The following TENM1 variants were observed in gnomAD, a reference collection of about 807,000 sequenced individuals.
TENM1 encodes the protein teneurin-1.
A neutral mutation model predicts 174.8 loss-of-function variants in TENM1; 35 were observed. The observed-to-expected ratio is 0.20, with a 90% confidence interval of 0.15 to 0.27. The LOEUF is 0.27. Among genes scored for constraint, TENM1 ranks in the 10% least tolerant of loss-of-function variants. TENM1 has a pLI of 1.00. For synonymous variants in TENM1, 781 were observed against 798.7 expected (o/e 0.98, Z 0.37); for missense variants, 1,633 against 2,130.1 (o/e 0.77, Z 4.59).
the TENM1 span, among the ~76,000 whole-genome samples, chrX:125,035,120 T>C: frequency 8.9e-6 from 1 of 111,934 alleles, no homozygotes; most frequent in Non-Finnish European, 1.9e-5. Context: ...GATTTCTTAA[T>C]AGTAAAATAA....
chrX:124,428,145 G>A (rs1421698209), intron 23 of TENM1, among the ~76,000 whole-genome samples: 3 of 112,036 alleles, frequency 2.7e-5, no homozygotes, highest in African/African-American at 9.7e-5. Context: ...GCCGCCAGCT[G>A]GTGGAATGTG....
chrX:124,532,914 CTGTAA>C (rs2048137402), intron 15 of TENM1, among the ~76,000 whole-genome samples: 2 of 112,258 alleles, frequency 1.8e-5, no homozygotes, highest in Non-Finnish European at 3.8e-5. Flanking sequence ...CTAGTACTTA[CTGTAA>C]TCTTTGAACA....
the TENM1 span, among the ~76,000 whole-genome samples, chrX:125,069,083 C>G: frequency 9.0e-6 from 1 of 110,562 alleles, no homozygotes; most frequent in Non-Finnish European, 1.9e-5. Context: ...GGGGGTTGAG[C>G]TTCTAGTGCA....
At chrX:124,813,440 C>T (rs2055828095) in intron 3 of TENM1, among the ~76,000 whole-genome samples, 1 of 111,425 alleles carries the variant, frequency 9.0e-6, no homozygotes, top group Non-Finnish European at 1.9e-5. Flanking sequence ...GCACAGATAC[C>T]TAGGAAGAAA....
the TENM1 span, among the ~76,000 whole-genome samples, chrX:125,061,169 T>A: frequency 9.0e-6 from 1 of 111,356 alleles, no homozygotes; most frequent in African/African-American, 3.3e-5. Flanking sequence ...TTTACAGAAA[T>A]AAGAAATGGG....
intron 5 of TENM1, among the ~76,000 whole-genome samples, chrX:124,685,216 C>T (rs766137011): frequency 9.0e-6 from 1 of 111,433 alleles, no homozygotes; most frequent in Non-Finnish European, 1.9e-5. Flanking sequence ...CTATAAAATG[C>T]CTGAAAAATA....
At chrX:124,976,817 AAT>A in the TENM1 span, among the ~76,000 whole-genome samples, 1 of 111,883 alleles carries the variant, frequency 8.9e-6, no homozygotes, top group African/African-American at 3.2e-5. Context: ...GTCAATGTGT[AAT>A]CAGTTTGATA....
chrX:124,471,235 A>ATATTATATAGTACTATATAT lies in TENM1; in HGVS notation c.3949+10496_3949+10497insATATATAGTACTATATAATA, dbSNP rs1427995633. ...TATATATTATAATATATAGTACTATATATAATATATAATAATATATATTAT... is the reference window on the plus strand; with the variant it reads ...TATATATTATAATATATAGTACTATATATTATATAGTACTATATATTATAATATATAATAATATATATTAT... On this transcript the variant is annotated intron_variant, in intron 22 of 31. Coordinates refer to ENST00000422452, the Ensembl canonical transcript of TENM1. Among the ~76,000 whole-genome samples the ATATTATATAGTACTATATAT allele has an allele frequency of 5.8e-4, 38 of 66,081 alleles. 2 individuals are homozygous for ATATTATATAGTACTATATAT. Among genetic ancestry groups the ATATTATATAGTACTATATAT allele is most frequent in the African/African-American group, 2.1e-3 (32 of 15,557 alleles). The allele number at this position is 66,081 out of a possible 115,157, so 57.4% of individuals were successfully genotyped here.
chrX:125,168,324 G>C, the TENM1 span, among the ~76,000 whole-genome samples: 1 of 111,513 alleles, frequency 9.0e-6, no homozygotes, highest in South Asian at 3.7e-4. Flanking sequence ...CTTTTGCTCT[G>C]TGTTTCCTCA....
chrX:124,802,183 G>A (rs192298249), intron 3 of TENM1, among the ~76,000 whole-genome samples: 82 of 111,898 alleles, frequency 7.3e-4, no homozygotes, highest in African/African-American at 2.5e-3. Flanking sequence ...TTGGAGAAGA[G>A]GCACTCTGGC....
the TENM1 span, among the ~76,000 whole-genome samples, chrX:125,106,968 T>G: frequency 8.9e-6 from 1 of 111,933 alleles, no homozygotes; most frequent in Non-Finnish European, 1.9e-5. Flanking sequence ...GACAGAATGA[T>G]AGTCAGAAAA....
chrX:124,795,890 T>C (rs912735551), intron 3 of TENM1, among the ~76,000 whole-genome samples: 2 of 111,106 alleles, frequency 1.8e-5, no homozygotes, highest in African/African-American at 6.5e-5. Context: ...AGCAACAGAA[T>C]TGCTTTTCAG....
intron 3 of TENM1, among the ~76,000 whole-genome samples, chrX:124,846,326 A>T (rs1213957246): frequency 1.8e-5 from 2 of 110,963 alleles, no homozygotes; most frequent in African/African-American, 6.6e-5. Flanking sequence ...ACCGCAAAAA[A>T]ACTGCCATAT....
chrX:124,562,787 C>G (rs2148164410), intron 13 of TENM1, among the ~76,000 whole-genome samples: 1 of 112,414 alleles, frequency 8.9e-6, no homozygotes, highest in East Asian at 2.8e-4. Flanking sequence ...AGTAGCAACA[C>G]AGGACCAGAC....
intron 21 of TENM1, among the ~76,000 whole-genome samples, chrX:124,486,008 T>C (rs964045034): frequency 3.6e-5 from 4 of 111,983 alleles, no homozygotes; most frequent in Non-Finnish European, 7.5e-5. Flanking sequence ...ATTTTCTTGA[T>C]AGCCAGCAGT....
At chrX:124,693,853 A>G (rs1256346573) in intron 5 of TENM1, among the ~76,000 whole-genome samples, 1 of 110,438 alleles carries the variant, frequency 9.1e-6, no homozygotes, top group Non-Finnish European at 1.9e-5. Context: ...GTTCATTCTG[A>G]AATATTTTAG....
At chrX:124,615,849 T>C in intron 11 of TENM1, among the ~76,000 whole-genome samples, 1 of 112,171 alleles carries the variant, frequency 8.9e-6, no homozygotes, top group East Asian at 2.8e-4. Flanking sequence ...TGTTATGTCA[T>C]TTCATCCTCA....
At chrX:124,452,191 C>T (rs1196537151) in intron 23 of TENM1, among the ~76,000 whole-genome samples, 1 of 112,315 alleles carries the variant, frequency 8.9e-6, no homozygotes, top group Non-Finnish European at 1.9e-5. Flanking sequence ...AACAAACAAC[C>T]CATCAACAAG....
chrX:124,975,581 A>G, the TENM1 span, among the ~76,000 whole-genome samples: 11 of 111,921 alleles, frequency 9.8e-5, no homozygotes, highest in African/African-American at 3.6e-4. Flanking sequence ...TAGTGAAATC[A>G]ACACTGTATC....
Sources: gnomAD v4.1 joint callset for allele counts (sites outside exome capture counted in the v4.1 genomes callset) on GRCh38, gnomAD v4.1.1 for gene constraint, MANE v1.5 for transcripts, NCBI Gene and HGNC (gene_info 2026-07-23, HGNC 2026-07-21) for gene names.